The following EMCN variants were observed in gnomAD, a reference collection of about 807,000 sequenced individuals.
EMCN encodes endomucin.
A neutral mutation model predicts 38.4 loss-of-function variants in EMCN; 37 were observed. That is an observed-to-expected ratio of 0.96 (90% CI 0.74 to 1.27). EMCN has a LOEUF of 1.27. EMCN is among the 50% of genes most tolerant of loss of function. EMCN has a pLI of 0.00. For synonymous variants in EMCN, 95 were observed against 100.8 expected, an observed-to-expected ratio of 0.94 and a Z score of 0.35; for missense variants, 318 against 302.8, an observed-to-expected ratio of 1.05 and a Z score of -0.37.
intron 1 of EMCN, chr4:100,486,927 A>G (rs191971921): frequency 3.1e-5 from 31 of 985,464 alleles, no homozygotes; most frequent in Middle Eastern, 1.0e-3. Flanking sequence ...ATAATTCTTC[A>G]AAGATCATGT....
chr4:100,474,363 TA>T (rs1474665852), intron 3 of EMCN, among the ~76,000 whole-genome samples: 2 of 152,202 alleles, frequency 1.3e-5, no homozygotes, highest in Non-Finnish European at 2.9e-5. Context: ...AGACAAGTGT[TA>T]GCTAGAATAT....
rs754787542 is a variant in EMCN at position 100,421,296 on chromosome 4, C to T, written c.650G>A (p.Trp217Ter). 6.2e-6 allele frequency: 10 copies of T among 1,612,476 alleles called. No individual in the cohort carries two copies. The highest frequency in any genetic ancestry group is 4.0e-5 in the African/African-American group (3 of 74,806). ...FVLVGLYRMC[W>*]KADPGTPENG... ...CTGTTACCTACCCGGATCTGCCTTCCAGCACATTCGGTACAAACCCACCAG... is the reference window on the plus strand; with the variant it reads ...CTGTTACCTACCCGGATCTGCCTTCTAGCACATTCGGTACAAACCCACCAG... Residue 217 changes from tryptophan to a stop codon, truncating the protein, a stop_gained, in exon 8 of 12, where the codon TGG (tryptophan) becomes TAG (stop). Coordinates refer to ENST00000296420, the MANE Select transcript of EMCN (RefSeq NM_016242.4). LOFTEE classifies it high-confidence loss of function.
chr4:100,410,341 G>T lies in EMCN; in HGVS notation c.766C>A (p.Gln256Lys), dbSNP rs754019540. 1.2e-6 allele frequency: 2 copies of T among 1,613,716 alleles called. No homozygotes were observed. Among genetic ancestry groups the T allele is most frequent in the Admixed American group, 3.3e-5 (2 of 60,014 alleles). ...ISHESGEHSA[Q>K]GKTKN ...AGCTGTCAGTTCTTGGTTTTTCCTT[G>T]TGCAGAGTGCTCACCTGAGAACAGA... Residue 256 changes from glutamine to lysine, a missense_variant, in exon 11 of 12, where the codon CAA becomes AAA. By Grantham distance (53) the Gln-to-Lys change is moderately conservative. Transcript: ENST00000296420.
Position 100,423,411 on chromosome 4 carries a change from G to A in EMCN, c.416-7C>T, listed in dbSNP as rs953683462. The A allele has an allele frequency of 3.8e-6, 6 of 1,594,424 alleles. No homozygotes were observed. Among genetic ancestry groups the A allele is most frequent in the Non-Finnish European group, 5.2e-6 (6 of 1,162,626 alleles). ...TCTGGTTGTAGAACACTACCTGTAT[G>A]AAAATTACAAATGCAGAATCAGGCT... is the stretch of plus-strand genomic sequence containing the variant. On this transcript the variant is annotated splice_polypyrimidine_tract_variant and splice_region_variant and intron_variant, in intron 5 of 11. Coordinates refer to ENST00000296420, the MANE Select transcript of EMCN (RefSeq NM_016242.4).
chr4:100,487,401 G>T lies in EMCN; in HGVS notation c.65-7362C>A, dbSNP rs563390974. Among the ~76,000 whole-genome samples the T allele has an allele frequency of 5.5e-4, 84 of 152,332 alleles. No homozygotes were observed. In the South Asian group the frequency reaches 0.017, roughly 31 times the overall value. On this transcript the variant is annotated intron_variant, in intron 1 of 11. Transcript: ENST00000296420. ...TCACTTTGGGTGCCCTCTCAGTCCTGAGGGGAGCAGCACTGCTTTGTCCCT... is the reference window on the plus strand; with the variant it reads ...TCACTTTGGGTGCCCTCTCAGTCCTTAGGGGAGCAGCACTGCTTTGTCCCT...
At chr4:100,455,925 G>A (rs143978847) in intron 4 of EMCN, among the ~76,000 whole-genome samples, 191 of 152,170 alleles carry the variant, frequency 1.3e-3, no homozygotes, top group Non-Finnish European at 2.3e-3. Context: ...CTCCCAAGTA[G>A]CTGGGAATAC....
chr4:100,434,134 A>T (rs1410233728), intron 5 of EMCN, among the ~76,000 whole-genome samples: 1 of 152,144 alleles, frequency 6.6e-6, no homozygotes, highest in Non-Finnish European at 1.5e-5. Context: ...CTAGACTAAT[A>T]AAGAAGAAAG....
At chr4:100,445,493 GTGATATA>G (rs1727643968) in intron 5 of EMCN, among the ~76,000 whole-genome samples, 1 of 152,142 alleles carries the variant, frequency 6.6e-6, no homozygotes, top group Non-Finnish European at 1.5e-5. Context: ...AGAACTGTGT[GTGATATA>G]TTCAAAGACT....
chr4:100,455,635 A>C (rs926090426), intron 4 of EMCN, among the ~76,000 whole-genome samples: 1 of 150,952 alleles, frequency 6.6e-6, no homozygotes, highest in Non-Finnish European at 1.5e-5. Context: ...AATTTTTTTC[A>C]ATAGCTTCTT....
intron 5 of EMCN, among the ~76,000 whole-genome samples, chr4:100,440,806 T>A (rs769380635): frequency 1.5e-4 from 23 of 152,018 alleles, no homozygotes; most frequent in Non-Finnish European, 2.5e-4. Flanking sequence ...TGCTGGATGA[T>A]CTATCCGTTG....
chr4:100,420,415 T>C (rs765658658), intron 8 of EMCN, among the ~76,000 whole-genome samples: 51 of 151,872 alleles, frequency 3.4e-4, no homozygotes, highest in Admixed American at 9.9e-4. Context: ...AGGTAAGAGG[T>C]GGGCTGGATA....
At chr4:100,487,628 G>C (rs1439984345) in intron 1 of EMCN, among the ~76,000 whole-genome samples, 1 of 152,144 alleles carries the variant, frequency 6.6e-6, no homozygotes, top group African/African-American at 2.4e-5. Context: ...TTTTCCCCAT[G>C]CTGTTTTCAT....
intron 5 of EMCN, among the ~76,000 whole-genome samples, chr4:100,426,438 C>G (rs894326506): frequency 6.6e-6 from 1 of 152,130 alleles, no homozygotes; most frequent in South Asian, 2.1e-4. Flanking sequence ...TCAGCATCCC[C>G]GTTCTCTCTC....
intron 2 of EMCN, among the ~76,000 whole-genome samples, chr4:100,477,464 C>A (rs112340756): frequency 6.6e-6 from 1 of 152,160 alleles, no homozygotes; most frequent in Non-Finnish European, 1.5e-5. Context: ...CTGCTCCAGG[C>A]GAAGCTCTAT....
intron 3 of EMCN, among the ~76,000 whole-genome samples, chr4:100,467,495 G>A (rs1290591653): frequency 1.3e-5 from 2 of 151,510 alleles, no homozygotes; most frequent in Admixed American, 6.6e-5. Flanking sequence ...TGGCTAACAC[G>A]GTGAAACCCC....
At chr4:100,501,809 T>C (rs1234625830) in intron 1 of EMCN, among the ~76,000 whole-genome samples, 1 of 152,032 alleles carries the variant, frequency 6.6e-6, no homozygotes, top group Non-Finnish European at 1.5e-5. Context: ...ATTGATTTCA[T>C]AAACTTTATA....
rs191783340 is a variant in EMCN at position 100,432,620 on chromosome 4, C to G, written c.416-9216G>C. Among the ~76,000 whole-genome samples, 651 of 152,226 alleles carry G rather than the reference C, an allele frequency of 4.3e-3. 1 individual carries two copies. Among genetic ancestry groups the G allele is most frequent in the Non-Finnish European group, 7.3e-3 (498 of 68,006 alleles). On this transcript the variant is annotated intron_variant, in intron 5 of 11. Coordinates refer to ENST00000296420, the MANE Select transcript of EMCN (RefSeq NM_016242.4). ...GTTTGGGGCCTTACCAGATATGTTA[C>G]AGTGGGCAGTTGCAGTTTGATTTTC...
chr4:100,404,207 A>G (rs1726334343), intron 11 of EMCN, among the ~76,000 whole-genome samples: 1 of 152,112 alleles, frequency 6.6e-6, no homozygotes, highest in African/African-American at 2.4e-5. Context: ...TCAAGTCTTC[A>G]ATCCATCTTA....
chr4:100,450,818 C>T (rs1032986674), intron 4 of EMCN, among the ~76,000 whole-genome samples: 1 of 151,766 alleles, frequency 6.6e-6, no homozygotes. Context: ...AATATTGAAG[C>T]TGGGTGGGTA....
Sources: allele counts gnomAD v4.1 joint callset (sites outside exome capture counted in the v4.1 genomes callset), GRCh38; gene constraint gnomAD v4.1.1; transcripts MANE v1.5; gene names NCBI Gene and HGNC (gene_info 2026-07-23, HGNC 2026-07-21).